CNTNAP2: variants seen among roughly 807,000 people sequenced by gnomAD.
CNTNAP2 encodes the protein contactin associated protein 2, also known as contactin-associated protein-like 2.
Under a neutral mutation model 155.2 loss-of-function variants are expected in CNTNAP2, and 98 were observed. That is an observed-to-expected ratio of 0.63 (90% confidence interval 0.54 to 0.75). The LOEUF (loss-of-function observed/expected upper bound fraction) is 0.75, where lower values mean the gene tolerates loss of function less well. Among genes scored for constraint, CNTNAP2 ranks in the 30% least tolerant of loss-of-function variants. CNTNAP2 has a pLI of 0.00. For synonymous variants in CNTNAP2, 651 were observed against 631.2 expected, an observed-to-expected ratio of 1.03 and a Z score of -0.47; for missense variants, 1,727 against 1,688.1, an observed-to-expected ratio of 1.02 and a Z score of -0.40.
intron 3 of CNTNAP2, among the ~76,000 whole-genome samples, chr7:147,040,451 ATTTTTTTTTTTTT>A (rs34880534): frequency 3.7e-5 from 3 of 80,830 alleles, no homozygotes; most frequent in Non-Finnish European, 4.5e-5. Flanking sequence ...TTAAGAGTGA[ATTTTTTTTTTTTT>A]TTTTTTTTTT....
chr7:146,251,928 C>G (rs985459310), intron 1 of CNTNAP2, among the ~76,000 whole-genome samples: 3 of 152,136 alleles, frequency 2.0e-5, no homozygotes, highest in Non-Finnish European at 4.4e-5. Flanking sequence ...TTGCAATAAC[C>G]TACAATCTCA....
chr7:147,330,632 G>A (rs1795542768), intron 9 of CNTNAP2, among the ~76,000 whole-genome samples: 1 of 152,134 alleles, frequency 6.6e-6, no homozygotes, highest in Non-Finnish European at 1.5e-5. Context: ...TGTGTAGAAA[G>A]TTGTAGAGTT....
chr7:148,107,267 G>A (rs1189792295), intron 15 of CNTNAP2, among the ~76,000 whole-genome samples: 1 of 152,204 alleles, frequency 6.6e-6, no homozygotes, highest in Non-Finnish European at 1.5e-5. Context: ...GCTCACAGCA[G>A]TGCAGGAAGC....
rs79763164 is a variant in CNTNAP2 at position 146,964,479 on chromosome 7, T to C, written c.403-79428T>C. Among the ~76,000 whole-genome samples the C allele has an allele frequency of 2.3e-3, 355 of 152,324 alleles. 4 individuals carry two copies. The highest frequency in any genetic ancestry group is 4.1e-3 in the Non-Finnish European group (281 of 68,024). On this transcript the variant is annotated intron_variant, in intron 3 of 23. Transcript: ENST00000361727. ...TCCTTAACACCAAGTACAGATCAAT[T>C]TGTTAGCTGCAGTGTTGGATATCTT...
chr7:147,719,256 A>G (rs1021532013), intron 13 of CNTNAP2, among the ~76,000 whole-genome samples: 6 of 152,090 alleles, frequency 3.9e-5, no homozygotes, highest in African/African-American at 1.4e-4. Flanking sequence ...TCCAACTGCA[A>G]ACAAGCCCAG....
intron 15 of CNTNAP2, among the ~76,000 whole-genome samples, chr7:148,080,785 G>T (rs1006832724): frequency 6.6e-6 from 1 of 151,986 alleles, no homozygotes; most frequent in Non-Finnish European, 1.5e-5. Context: ...TATAGAGCAG[G>T]GGGGGAAATG....
chr7:146,302,851 C>T (rs1257140027), intron 1 of CNTNAP2, among the ~76,000 whole-genome samples: 1 of 152,090 alleles, frequency 6.6e-6, no homozygotes. Flanking sequence ...TCTCTGGAGA[C>T]ATATTTGTTA....
chr7:148,029,229 C>T (rs117407147), intron 15 of CNTNAP2, among the ~76,000 whole-genome samples: 2,985 of 152,238 alleles, frequency 0.02, 45 homozygotes, highest in African/African-American at 0.042. Context: ...AACAAACACA[C>T]GCACAACTCC....
intron 15 of CNTNAP2, among the ~76,000 whole-genome samples, chr7:148,038,113 A>G (rs1333879297): frequency 1.3e-5 from 2 of 152,252 alleles, no homozygotes; most frequent in Non-Finnish European, 2.9e-5. Context: ...TTACATCTGT[A>G]AACAATCATG....
rs1482502092 is a variant in CNTNAP2, at chr7:146,359,349, G to A, written c.97+242376G>A. 2.0e-5 allele frequency among the ~76,000 whole-genome samples: 3 copies of A among 152,168 alleles called. No homozygotes were observed. The East Asian group carries it at 5.8e-4, about 29-fold the overall frequency. On this transcript the variant is annotated intron_variant, in intron 1 of 23. Coordinates refer to ENST00000361727, the MANE Select transcript of CNTNAP2 (RefSeq NM_014141.6). ...GAATCAAGTTACTTTCATTCCTAAGGCTTCAGTCATCTCATCTGTGGAAAT... is the reference window on the plus strand; with the variant it reads ...GAATCAAGTTACTTTCATTCCTAAGACTTCAGTCATCTCATCTGTGGAAAT...
intron 17 of CNTNAP2, among the ~76,000 whole-genome samples, chr7:148,165,700 C>A (rs1309178350): frequency 6.6e-6 from 1 of 152,160 alleles, no homozygotes; most frequent in African/African-American, 2.4e-5. Context: ...GAAGCCAACA[C>A]ATAGAAGTAG....
At chr7:146,986,068 A>G (rs913327798) in intron 3 of CNTNAP2, among the ~76,000 whole-genome samples, 1 of 151,996 alleles carries the variant, frequency 6.6e-6, no homozygotes, top group Non-Finnish European at 1.5e-5. Context: ...TAACTTCTTT[A>G]GTGGTGATTT....
intron 13 of CNTNAP2, among the ~76,000 whole-genome samples, chr7:147,848,306 G>A (rs1238639548): frequency 4.0e-5 from 6 of 149,788 alleles, no homozygotes; most frequent in Admixed American, 1.4e-4. Context: ...GTGGTGCGCC[G>A]TTTCTTAAGC....
intron 4 of CNTNAP2, among the ~76,000 whole-genome samples, chr7:147,105,774 G>A (rs1272772404): frequency 6.6e-6 from 1 of 151,966 alleles, no homozygotes; most frequent in Non-Finnish European, 1.5e-5. Flanking sequence ...ATAGATAGGT[G>A]GGAAAATATG....
At chr7:147,283,092 TTATAA>T (rs537226858) in intron 8 of CNTNAP2, among the ~76,000 whole-genome samples, 159 of 152,030 alleles carry the variant, frequency 1.0e-3, no homozygotes, top group African/African-American at 3.7e-3. Context: ...TTTTGCTAAA[TTATAA>T]TATATTAATA....
At chr7:146,737,147 A>G (rs1463711949) in intron 1 of CNTNAP2, among the ~76,000 whole-genome samples, 1 of 152,126 alleles carries the variant, frequency 6.6e-6, no homozygotes, top group Non-Finnish European at 1.5e-5. Flanking sequence ...GTTACAAGAC[A>G]TATTTTTATT....
At chr7:148,315,111 G>A (rs1413414636) in intron 21 of CNTNAP2, among the ~76,000 whole-genome samples, 1 of 152,166 alleles carries the variant, frequency 6.6e-6, no homozygotes, top group African/African-American at 2.4e-5. Flanking sequence ...AGGACCAGAG[G>A]TCGTAGGTGG....
intron 8 of CNTNAP2, among the ~76,000 whole-genome samples, chr7:147,253,252 T>A (rs1023756127): frequency 6.6e-6 from 1 of 152,172 alleles, no homozygotes; most frequent in Non-Finnish European, 1.5e-5. Flanking sequence ...ATTCACCATG[T>A]TATTCTGGAA....
chr7:146,827,767 C>T (rs1208510715), intron 2 of CNTNAP2, among the ~76,000 whole-genome samples: 1 of 151,962 alleles, frequency 6.6e-6, no homozygotes, highest in East Asian at 1.9e-4. Context: ...ATGAAGGCTT[C>T]GATCTTGATT....
Sources: allele counts gnomAD v4.1 joint callset (sites outside exome capture counted in the v4.1 genomes callset), GRCh38; gene constraint gnomAD v4.1.1; transcripts MANE v1.5; gene names NCBI Gene and HGNC (gene_info 2026-07-23, HGNC 2026-07-21).